CABIN1: variants seen among roughly 807,000 people sequenced by gnomAD.
CABIN1 encodes calcineurin binding protein 1.
In CABIN1, 133 loss-of-function variants were observed where a neutral mutation model predicts 227.7. The ratio of observed to expected loss-of-function variants is 0.58; its 90% CI spans 0.51 to 0.67. The LOEUF is 0.67. Among genes scored for constraint, CABIN1 ranks in the 30% least tolerant of loss-of-function variants. CABIN1 has a pLI of 0.00. For missense variants in CABIN1, 2,408 were observed against 2,852.5 expected, an observed-to-expected ratio of 0.84 and a Z score of 3.55; for synonymous variants, 1,086 against 1,155.1, an observed-to-expected ratio of 0.94 and a Z score of 1.21.
At chr22:24,074,126 C>A (rs2040277865) in intron 18 of CABIN1, among the ~76,000 whole-genome samples, 2 of 151,822 alleles carry the variant, frequency 1.3e-5, no homozygotes, top group Non-Finnish European at 2.9e-5. Context: ...TGAAAAAAAA[C>A]CTAAAGTTTA....
In CABIN1 at chr22:24,148,131, C is replaced by T. The variant is rs139457700; in HGVS notation, c.4746+13716C>T. ...GAGAGAAGACTTGGCAGTGCCACCACTACACTGTCCTCTCAGCCCACAGAG... is the reference window on the plus strand; with the variant it reads ...GAGAGAAGACTTGGCAGTGCCACCATTACACTGTCCTCTCAGCCCACAGAG... On this transcript the variant is annotated intron_variant, in intron 29 of 36. Coordinates refer to ENST00000263119, the MANE Select transcript of CABIN1 (RefSeq NM_012295.4). 1.0e-3 allele frequency among the ~76,000 whole-genome samples: 156 copies of T among 152,294 alleles called. No individual in the cohort carries two copies. In the East Asian group the frequency reaches 0.02, roughly 20 times the overall value.
chr22:24,136,737 A>G (rs200925969), intron 29 of CABIN1, among the ~76,000 whole-genome samples: 6 of 140,328 alleles, frequency 4.3e-5, no homozygotes, highest in South Asian at 2.3e-4. Context: ...ACACACACAC[A>G]CGCACACACA....
intron 27 of CABIN1, 100 bp downstream of exon 27, chr22:24,113,848 GTCACTTA>G: frequency 1.6e-6 from 2 of 1,265,986 alleles, no homozygotes; most frequent in Non-Finnish European, 2.3e-6. Flanking sequence ...GGCTGGGCAA[GTCACTTA>G]CTCCCTGGGC....
chr22:24,112,607 C>T (rs945724284), intron 26 of CABIN1, among the ~76,000 whole-genome samples: 4 of 152,104 alleles, frequency 2.6e-5, no homozygotes, highest in African/African-American at 9.7e-5. Flanking sequence ...GGGTAGTTCT[C>T]TGTTGTCTTG....
intron 28 of CABIN1, among the ~76,000 whole-genome samples, chr22:24,133,145 G>A (rs959910009): frequency 7.9e-5 from 12 of 152,148 alleles, no homozygotes; most frequent in Non-Finnish European, 1.6e-4. Context: ...ACAGTGAATG[G>A]AGCCTCCTAC....
chr22:24,027,049 T>C (rs1485118365), intron 1 of CABIN1, among the ~76,000 whole-genome samples: 5 of 152,240 alleles, frequency 3.3e-5, no homozygotes, highest in East Asian at 3.8e-4. Context: ...TAGGTCTACT[T>C]TGAGTTATTT....
At chr22:24,024,345 TTGGTGTCATGCTTAAGA>T (rs1424082474) in intron 1 of CABIN1, among the ~76,000 whole-genome samples, 1 of 152,224 alleles carries the variant, frequency 6.6e-6, no homozygotes, top group Non-Finnish European at 1.5e-5. Flanking sequence ...TCCTGTGCTT[TTGGTGTCATGCTTAAGA>T]GGCTATTGCC....
chr22:24,065,200 C>G (rs1295387886), intron 15 of CABIN1, among the ~76,000 whole-genome samples: 40 of 152,062 alleles, frequency 2.6e-4, no homozygotes, highest in African/African-American at 8.0e-4. Flanking sequence ...ACGCTCCTCA[C>G]TTCCCAGACG....
chr22:24,091,699 G>A lies in CABIN1; in HGVS notation c.3642G>A (p.Lys1214=). 6.2e-7 allele frequency: 1 copy of A among 1,614,200 alleles called. No homozygotes were observed. The highest frequency in any genetic ancestry group is 8.5e-7 in the Non-Finnish European group (1 of 1,180,052). ...EEWLIHYMLG[K]VAEKQQQPPT... is the part of the protein sequence containing the mutation. ...GGCTCATCCACTACATGCTGGGCAA[G>A]GTGGCTGAGAAGCAGCAGCAGCCAC... Residue 1214 remains lysine, a synonymous_variant, in exon 24 of 37, where the codon AAG becomes AAA. Coordinates refer to ENST00000263119, the MANE Select transcript of CABIN1 (RefSeq NM_012295.4).
Position 24,076,368 on chromosome 22 carries a change from G to A in CABIN1, c.2748+84G>A, listed in dbSNP as rs2040445102. 5.4e-6 allele frequency: 6 copies of A among 1,114,328 alleles called. No individual in the cohort carries two copies. The Admixed American group carries it at 8.9e-5, about 17-fold the overall frequency. The allele number at this position is 1,114,328 out of a possible 1,614,324, so 69.0% of individuals were successfully genotyped here. ...TGGAATGGGAAGGGGACAGATTCAT[G>A]TTGGCACGCTGGGCTTGCTTGGCCT... On this transcript the variant is annotated intron_variant, in intron 19 of 36. Transcript: ENST00000263119.
At position 24,113,756 on chromosome 22, in the gene CABIN1, G is replaced by A; in HGVS notation, c.4300+8G>A. 6.2e-7 allele frequency: 1 copy of A among 1,613,468 alleles called. No individual in the cohort carries two copies. The highest frequency in any genetic ancestry group is 8.5e-7 in the Non-Finnish European group (1 of 1,179,764). On this transcript the variant is annotated splice_region_variant and intron_variant, in intron 27 of 36. Transcript: ENST00000263119. ...GGGCCACAGAAGAAAGAGGTATGAAGCCCTAACTCGGTGAATTAGAACCAC... is the reference window on the plus strand; with the variant it reads ...GGGCCACAGAAGAAAGAGGTATGAAACCCTAACTCGGTGAATTAGAACCAC...
intron 13 of CABIN1, among the ~76,000 whole-genome samples, chr22:24,062,468 C>T (rs1048595978): frequency 6.6e-6 from 1 of 151,404 alleles, no homozygotes; most frequent in African/African-American, 2.4e-5. Flanking sequence ...AGTGATTCTC[C>T]CATATCAGCC....
chr22:24,118,563 C>T (rs1447558778), intron 27 of CABIN1, among the ~76,000 whole-genome samples: 4 of 152,156 alleles, frequency 2.6e-5, no homozygotes, highest in African/African-American at 7.2e-5. Context: ...CTGTGCAGGG[C>T]GTGCCGTGCT....
intron 29 of CABIN1, among the ~76,000 whole-genome samples, chr22:24,148,885 A>C (rs2045318946): frequency 6.6e-6 from 1 of 152,202 alleles, no homozygotes; most frequent in South Asian, 2.1e-4. Context: ...ATCCCAGAGA[A>C]GTCAACCCTT....
At chr22:24,133,003 T>C (rs1419246384) in intron 28 of CABIN1, among the ~76,000 whole-genome samples, 1 of 152,210 alleles carries the variant, frequency 6.6e-6, no homozygotes, top group Non-Finnish European at 1.5e-5. Flanking sequence ...CAAAGTGGCC[T>C]CTGTTCTCAG....
chr22:24,096,537 C>T (rs1016180855), intron 25 of CABIN1, among the ~76,000 whole-genome samples: 1 of 152,112 alleles, frequency 6.6e-6, no homozygotes, highest in African/African-American at 2.4e-5. Context: ...CCAGAGAGCT[C>T]GGAGAGACTG....
intron 10 of CABIN1, 93 bp from the exon 11 acceptor site, chr22:24,059,134 C>G: frequency 6.5e-7 from 1 of 1,549,688 alleles, no homozygotes; most frequent in Non-Finnish European, 8.9e-7. Context: ...TGCCTTCTTC[C>G]TGACTCAGAT....
chr22:24,096,848 C>T (rs1050182514), intron 25 of CABIN1, among the ~76,000 whole-genome samples: 17 of 152,238 alleles, frequency 1.1e-4, no homozygotes, highest in East Asian at 1.9e-4. Flanking sequence ...TCTCTGAGTC[C>T]GCTGCCTAGC....
At position 24,084,756 on chromosome 22, in the gene CABIN1, T is replaced by C; in HGVS notation, c.3088T>C (p.Ser1030Pro). The change falls in exon 21 of 37, where the codon TCT becomes CCT. Residue 1030 changes from serine (S) to proline (P), a missense_variant. Transcript: ENST00000263119. ...GCCAGCCCTTAGCCTGGACAAAGTCTCTGCCTACATTGAGGGAACTTCAAC... is the reference window on the plus strand; with the variant it reads ...GCCAGCCCTTAGCCTGGACAAAGTCCCTGCCTACATTGAGGGAACTTCAAC... Reference protein sequence around the residue: ...ERPALSLDKVSAYIEGTSTEV... With the variant: ...ERPALSLDKVPAYIEGTSTEV... 6.2e-7 allele frequency: 1 copy of C among 1,614,234 alleles called. No individual in the cohort carries two copies. The highest frequency in any genetic ancestry group is 8.5e-7 in the Non-Finnish European group (1 of 1,180,028).
Sources: allele counts gnomAD v4.1 joint callset (sites outside exome capture counted in the v4.1 genomes callset), GRCh38; gene constraint gnomAD v4.1.1; transcripts MANE v1.5; gene names NCBI Gene and HGNC (gene_info 2026-07-23, HGNC 2026-07-21).